The following KICS2 variants were observed in gnomAD, a reference collection of about 807,000 sequenced individuals.
KICS2 encodes KICSTOR subunit 2.
In KICS2, 13 loss-of-function variants were observed where a neutral mutation model predicts 31.4. The ratio of observed to expected loss-of-function variants is 0.41; its 90% confidence interval spans 0.27 to 0.66. KICS2 has a LOEUF of 0.66. Among genes scored for constraint, KICS2 ranks in the 30% least tolerant of loss-of-function variants. The pLI, the probability that KICS2 is intolerant of heterozygous loss-of-function variation, is 0.28. For synonymous variants in KICS2, 209 were observed against 214.8 expected, an observed-to-expected ratio of 0.97 and a Z score of 0.24; for missense variants, 455 against 545.4, an observed-to-expected ratio of 0.83 and a Z score of 1.65.
downstream of KICS2, among the ~76,000 whole-genome samples, chr12:64,189,538 A>T (rs867554542): frequency 6.6e-6 from 1 of 152,242 alleles, no homozygotes; most frequent in South Asian, 2.1e-4. Context: ...CTTACACGAG[A>T]AGTAAACTAA....
In KICS2 at chr12:64,194,019, G is replaced by A; in HGVS notation, c.1161C>T (p.Asp387=). ...SLEKVVHFYD[D]KVQSTYFLTR... ...TTAGGAAGTAGGTACTCTGAACTTT[G>A]TCATCATAGAAGTGGACCACTTTCT... is the stretch of plus-strand genomic sequence containing the variant. The change falls in exon 3 of 3, where the codon GAC becomes GAT. Residue 387 remains aspartate (D), a synonymous_variant. Transcript: ENST00000398055. 1 of 1,614,176 alleles carries A rather than the reference G, an allele frequency of 6.2e-7. No individual in the cohort carries two copies.
At position 64,192,545 on chromosome 12, in the gene KICS2, A is replaced by C; in HGVS notation, c.*1297T>G. On this transcript the variant is annotated 3_prime_UTR_variant, in exon 3 of 3. Transcript: ENST00000398055. ...ATACCTGCTGTGGACACCCAGTAAA[A>C]CAGTGGCTCCACACAATCATGGGAA... The C allele has an allele frequency of 2.1e-6, 2 of 945,042 alleles. No homozygotes were observed. The highest frequency in any genetic ancestry group is 1.3e-6 in the Non-Finnish European group (1 of 793,276). The allele number at this position is 945,042 out of a possible 1,614,324, so 58.5% of individuals were successfully genotyped here.
intron 2 of KICS2, among the ~76,000 whole-genome samples, chr12:64,209,757 G>T (rs1262998413): frequency 6.6e-6 from 1 of 152,146 alleles, no homozygotes; most frequent in Non-Finnish European, 1.5e-5. Flanking sequence ...TGAAATCAAG[G>T]CCAGAGGTTT....
At position 64,221,621 on chromosome 12, in the gene KICS2, C is replaced by T. The variant is rs7303232; in HGVS notation, c.235+382G>A. The T allele has an allele frequency of 4.2e-3, 1,140 of 272,644 alleles. 19 individuals are homozygous for T. Among genetic ancestry groups the T allele is most frequent in the African/African-American group, 0.023 (1,059 of 45,588 alleles). 16.9% of individuals were successfully genotyped at this position (272,644 alleles called of 1,614,324 possible). A position where few individuals can be genotyped will look rare whatever the true frequency, so the allele number is the denominator to read the frequency against. ...CCTTAAGAGGCCACACAACAGTGTT[C>T]AGTAATAGAACTAGGTTGTTTTGCA... On this transcript the variant is annotated intron_variant, in intron 1 of 2. Coordinates refer to ENST00000398055, the MANE Select transcript of KICS2 (RefSeq NM_152440.5).
chr12:64,194,251 G>C lies in KICS2; in HGVS notation c.929C>G (p.Ala310Gly). The C allele has an allele frequency of 6.2e-7, 1 of 1,614,172 alleles. No individual in the cohort carries two copies. Among genetic ancestry groups the C allele is most frequent in the Non-Finnish European group, 8.5e-7 (1 of 1,180,026 alleles). Reference sequence around the variant, plus strand: ...GTCAAAAATTAAGGACACATTGGCAGCATCATATTTTCTGATGAAGCTGGA... The same window carrying C: ...GTCAAAAATTAAGGACACATTGGCACCATCATATTTTCTGATGAAGCTGGA... ...KISSFIRKYD[A>G]ANVSLIFDNR... The change falls in exon 3 of 3, where the codon GCT becomes GGT. Residue 310 changes from alanine to glycine, a missense_variant. Ala to Gly is a moderately conservative substitution (Grantham distance 60, BLOSUM62 0). Coordinates refer to ENST00000398055, the MANE Select transcript of KICS2 (RefSeq NM_152440.5).
At position 64,203,542 on chromosome 12, in the gene KICS2, G is replaced by A. The variant is rs188267533; in HGVS notation, c.522-8884C>T. Among the ~76,000 whole-genome samples, 9 of 152,248 alleles carry A rather than the reference G, an allele frequency of 5.9e-5. No homozygotes were observed. The East Asian group carries it at 1.7e-3, about 29-fold the overall frequency. On this transcript the variant is annotated intron_variant, in intron 2 of 2. Transcript: ENST00000398055. ...CATATTATATGTTCCAGGCACTATG[G>A]TAGATGATCTACAGGCCTGAGTGCA...
At chr12:64,215,572 C>T (rs1358938874) in intron 2 of KICS2, 106 bp downstream of exon 2, 7 of 1,007,586 alleles carry the variant, frequency 6.9e-6, no homozygotes, top group Non-Finnish European at 1.0e-5. Flanking sequence ...ATTTATTTCA[C>T]AGTTATTTCA....
intron 2 of KICS2, among the ~76,000 whole-genome samples, chr12:64,196,962 A>G (rs2037446633): frequency 7.0e-6 from 1 of 143,098 alleles, no homozygotes; most frequent in African/African-American, 2.6e-5. Flanking sequence ...AAAAGACCAA[A>G]TCTACGTCTG....
rs909083621 is a variant in KICS2, at chr12:64,193,552, T to C, written c.*290A>G. The C allele has an allele frequency of 1.8e-6, 2 of 1,124,502 alleles. No individual in the cohort carries two copies. Among genetic ancestry groups the C allele is most frequent in the Admixed American group, 4.5e-5 (1 of 22,244 alleles). The allele number at this position is 1,124,502 out of a possible 1,614,324, so 69.7% of individuals were successfully genotyped here. A position where few individuals can be genotyped will look rare whatever the true frequency, so the allele number is the denominator to read the frequency against. ...ACATATGGGAAAAAAAAAAGCCCAA[T>C]AAATATTCAATCTACAAGAAATATA... On this transcript the variant is annotated 3_prime_UTR_variant, in exon 3 of 3. Coordinates refer to ENST00000398055, the MANE Select transcript of KICS2 (RefSeq NM_152440.5).
chr12:64,192,631 C>G lies in KICS2; in HGVS notation c.*1211G>C, dbSNP rs1437166939. 6.1e-6 allele frequency: 6 copies of G among 985,424 alleles called. No homozygotes were observed. Among genetic ancestry groups the G allele is most frequent in the Non-Finnish European group, 6.0e-6 (5 of 829,918 alleles). The allele number at this position is 985,424 out of a possible 1,614,324, so 61.0% of individuals were successfully genotyped here. ...TTCAAAGGAACCATCAAACCAGTAA[C>G]AACTCAATTACTCTTTGTGGCTTCT... On this transcript the variant is annotated 3_prime_UTR_variant, in exon 3 of 3. Coordinates refer to ENST00000398055, the MANE Select transcript of KICS2 (RefSeq NM_152440.5).
At chr12:64,189,063 G>GA (rs1299947696), downstream of KICS2, among the ~76,000 whole-genome samples, 1 of 152,092 alleles carries the variant, frequency 6.6e-6, no homozygotes, top group Non-Finnish European at 1.5e-5. Flanking sequence ...TGAGGCAGGA[G>GA]AATCACTTGA....
At chr12:64,209,923 G>C (rs1281688779) in intron 2 of KICS2, among the ~76,000 whole-genome samples, 1 of 152,218 alleles carries the variant, frequency 6.6e-6, no homozygotes, top group African/African-American at 2.4e-5. Context: ...CCTTTGGGAG[G>C]AGGATTAACT....
chr12:64,220,629 T>C (rs1384304380), intron 1 of KICS2, among the ~76,000 whole-genome samples: 1 of 151,984 alleles, frequency 6.6e-6, no homozygotes, highest in Non-Finnish European at 1.5e-5. Context: ...TGCCTAAATA[T>C]TACCTACCTT....
intron 2 of KICS2, among the ~76,000 whole-genome samples, chr12:64,213,723 C>T (rs2037603950): frequency 1.3e-5 from 2 of 152,176 alleles, no homozygotes; most frequent in South Asian, 4.1e-4. Flanking sequence ...TTTCCAAATG[C>T]CTGCTAAATC....
Position 64,194,473 on chromosome 12 carries a change from G to A in KICS2, c.707C>T (p.Thr236Ile). The change falls in exon 3 of 3, where the codon ACC (threonine) becomes ATC (isoleucine). Residue 236 changes from threonine (T) to isoleucine (I), a missense_variant. Coordinates refer to ENST00000398055, the MANE Select transcript of KICS2 (RefSeq NM_152440.5). ...CTGCCCTCCAAACAGATGTTTCTTG[G>A]TCTCCCGCTGTTTCTCAAAGATCTG... ...WGQIFEKQRETKKHLFGGQSQ... is the reference protein window; with the variant it reads ...WGQIFEKQREIKKHLFGGQSQ... The A allele has an allele frequency of 6.2e-7, 1 of 1,614,152 alleles. No homozygotes were observed. Among genetic ancestry groups the A allele is most frequent in the Non-Finnish European group, 8.5e-7 (1 of 1,180,030 alleles).
chr12:64,203,281 T>C (rs748219529), intron 2 of KICS2, among the ~76,000 whole-genome samples: 2 of 152,228 alleles, frequency 1.3e-5, no homozygotes, highest in South Asian at 2.1e-4. Flanking sequence ...TCTGTAACAG[T>C]AGACTAGAAT....
At chr12:64,202,711 A>G (rs1449050721) in intron 2 of KICS2, among the ~76,000 whole-genome samples, 1 of 150,976 alleles carries the variant, frequency 6.6e-6, no homozygotes, top group Non-Finnish European at 1.5e-5. Flanking sequence ...TACATATTAA[A>G]TCAGATTACT....
At chr12:64,210,813 A>C (rs914479093) in intron 2 of KICS2, among the ~76,000 whole-genome samples, 1 of 152,122 alleles carries the variant, frequency 6.6e-6, no homozygotes, top group African/African-American at 2.4e-5. Context: ...AATCTAATAA[A>C]ATGAAAACAA....
At chr12:64,209,028 A>G (rs1329138128) in intron 2 of KICS2, among the ~76,000 whole-genome samples, 1 of 152,154 alleles carries the variant, frequency 6.6e-6, no homozygotes, top group East Asian at 1.9e-4. Flanking sequence ...AAAATTCTGC[A>G]GAATCAGAAA....
Sources: gnomAD v4.1 joint callset for allele counts (sites outside exome capture counted in the v4.1 genomes callset) on GRCh38, gnomAD v4.1.1 for gene constraint, MANE v1.5 for transcripts, NCBI Gene and HGNC (gene_info 2026-07-23, HGNC 2026-07-21) for gene names.